PTPN22: variants seen among roughly 807,000 people sequenced by gnomAD.
The protein encoded by PTPN22 is protein tyrosine phosphatase non-receptor type 22, also known as tyrosine-protein phosphatase non-receptor type 22.
Under a neutral mutation model 103.3 loss-of-function variants are expected in PTPN22, and 85 were observed. That is an observed-to-expected ratio of 0.82 (90% CI 0.69 to 0.99). The LOEUF (loss-of-function observed/expected upper bound fraction) is 0.99. Ranked by LOEUF, PTPN22 falls within the 50% of genes least tolerant of loss-of-function variation. The pLI is 0.00. For missense variants in PTPN22, 865 were observed against 936.9 expected (o/e 0.92, Z 1.00); for synonymous variants, 323 against 310.2 (o/e 1.04, Z -0.43).
At chr1:113,871,139 A>G (rs1232407351) in intron 1 of PTPN22, among the ~76,000 whole-genome samples, 2 of 152,256 alleles carry the variant, frequency 1.3e-5, no homozygotes, top group African/African-American at 4.8e-5. Context: ...GAGGCTAAAA[A>G]TGTAATATTG....
chr1:113,837,716 A>C lies in PTPN22; in HGVS notation c.1684T>G (p.Phe562Val). Reference sequence around the variant, plus strand: ...GATGTTGGCAACAGAGAAGAAGGAAAAACAGTTCCATCTTGCTTCTCAGGT... The same window carrying C: ...GATGTTGGCAACAGAGAAGAAGGAACAACAGTTCCATCTTGCTTCTCAGGT... The change falls in exon 13 of 21, where the codon TTT (phenylalanine) becomes GTT (valine). Residue 562 changes from phenylalanine to valine, a missense_variant. Around this residue, in one of 3 missense-constraint regions of PTPN22, gnomAD observed 401 missense variants for 388.6 expected, o/e 1.03. Transcript: ENST00000359785. 2.5e-6 allele frequency: 4 copies of C among 1,610,046 alleles called. No individual in the cohort carries two copies. Among genetic ancestry groups the C allele is most frequent in the Middle Eastern group, 1.7e-4 (1 of 6,044 alleles).
exon 10 of PTPN22, chr1:113,852,064 T>C (rs1664614948): frequency 1.9e-6 from 3 of 1,611,912 alleles, no homozygotes; most frequent in Non-Finnish European, 2.5e-6. Context: ...TGTCCGCATT[T>C]CCCGGATCAA....
chr1:113,848,174 G>C (rs1664258597), intron 11 of PTPN22, among the ~76,000 whole-genome samples: 1 of 151,696 alleles, frequency 6.6e-6, no homozygotes, highest in Non-Finnish European at 1.5e-5. Flanking sequence ...TCAGCCTCTG[G>C]AGTAGCTGGG....
Position 113,859,484 on chromosome 1 carries a change from T to A in PTPN22, c.88-24A>T, listed in dbSNP as rs569537672. ...TTCTGTAATAAGATTCCAAGAAAAA[T>A]TAATCTTCCTAGAGAAATGAGGTAA... On this transcript the variant is annotated intron_variant, in intron 1 of 20. Coordinates refer to ENST00000359785, the Ensembl canonical transcript of PTPN22. 6 of 1,559,746 alleles carry A rather than the reference T, an allele frequency of 3.8e-6. No homozygotes were observed. In the East Asian group the frequency reaches 1.3e-4, roughly 35 times the overall value.
intron 19 of PTPN22, among the ~76,000 whole-genome samples, chr1:113,824,921 T>G (rs1285009173): frequency 6.8e-6 from 1 of 146,042 alleles, no homozygotes; most frequent in Non-Finnish European, 1.5e-5. Context: ...ACAGAAGACT[T>G]CTCATCGCCT....
chr1:113,849,590 ATTTAT>A lies in PTPN22; in HGVS notation c.829-969_829-965del, dbSNP rs1339463519. On this transcript the variant is annotated intron_variant, in intron 10 of 20. Transcript: ENST00000359785. The stretch of plus-strand genomic sequence containing the variant: ...TAGTATGCTCTTTATTTATTTATTT[ATTTAT>A]TTTTTTTTTTGAGACACGGTCTCAC... Among the ~76,000 whole-genome samples, 453 of 76,736 alleles carry A rather than the reference ATTTAT, an allele frequency of 5.9e-3. 3 individuals are homozygous for A. The highest frequency in any genetic ancestry group is 0.02 in the African/African-American group (434 of 21,180). 50.3% of individuals were successfully genotyped at this position (76,736 alleles called of 152,430 possible).
At chr1:113,823,249 A>G (rs1308878004) in intron 19 of PTPN22, 1 of 152,200 alleles carries the variant, frequency 6.6e-6, no homozygotes, top group Admixed American at 6.5e-5. Flanking sequence ...TATTCATTGA[A>G]TGAATGAATG....
intron 19 of PTPN22, chr1:113,823,593 C>T (rs1375622506): frequency 1.3e-5 from 2 of 152,236 alleles, no homozygotes; most frequent in Non-Finnish European, 2.9e-5. Flanking sequence ...TTCCACTATA[C>T]CTTCAAAGCT....
intron 1 of PTPN22, among the ~76,000 whole-genome samples, chr1:113,864,611 T>A: frequency 7.9e-6 from 1 of 126,124 alleles, no homozygotes. Context: ...TGAGGCCCTG[T>A]CTCAAAAAAA....
intron 20 of PTPN22, among the ~76,000 whole-genome samples, chr1:113,817,446 T>G (rs1038605330): frequency 6.6e-5 from 10 of 152,094 alleles, no homozygotes; most frequent in African/African-American, 1.7e-4. Context: ...ATTTTTGGGT[T>G]TTTTTTTCCA....
intron 10 of PTPN22, 40 bp from the exon 11 acceptor site, chr1:113,848,666 C>CA (rs1664304379): frequency 6.3e-6 from 10 of 1,574,838 alleles, no homozygotes; most frequent in Non-Finnish European, 8.6e-6. Flanking sequence ...AAAACAAAAA[C>CA]AAAAAAATTG....
At chr1:113,825,032 G>C (rs961163564) in intron 19 of PTPN22, 110 bp downstream of exon 19, 1 of 742,896 alleles carries the variant, frequency 1.3e-6, no homozygotes, top group African/African-American at 1.9e-5. Flanking sequence ...ACCCTATGGA[G>C]GCTCTGTTTA....
At chr1:113,871,584 C>T in exon 1 of PTPN22, 4 of 1,613,994 alleles carry the variant, frequency 2.5e-6, no homozygotes, top group Non-Finnish European at 2.5e-6. Context: ...TTGCTTTGGG[C>T]CTCATCCAGG....
chr1:113,864,375 G>GTGAAACTTTAT, intron 1 of PTPN22: 1 of 222,394 alleles, frequency 4.5e-6, no homozygotes, highest in Non-Finnish European at 9.1e-6. Context: ...GGGTGACAGA[G>GTGAAACTTTAT]CAAGACCCTG....
rs754849122 is a variant in PTPN22 at position 113,856,498 on chromosome 1, G to T, written c.480+50C>A. The T allele has an allele frequency of 8.1e-6, 13 of 1,613,922 alleles. No homozygotes were observed. In the South Asian group the frequency reaches 1.4e-4, roughly 18 times the overall value. ...GATTGCAAAGACAAGCTCTCTATAAGGTAGACCCTGGAGGCTTTACTCAGA... is the reference window on the plus strand; with the variant it reads ...GATTGCAAAGACAAGCTCTCTATAATGTAGACCCTGGAGGCTTTACTCAGA... On this transcript the variant is annotated intron_variant, in intron 6 of 20. Transcript: ENST00000359785.
chr1:113,831,718 A>G (rs1662568044), intron 16 of PTPN22, among the ~76,000 whole-genome samples: 1 of 152,222 alleles, frequency 6.6e-6, no homozygotes, highest in Non-Finnish European at 1.5e-5. Flanking sequence ...CCACTCAGCG[A>G]AACCTTTCCT....
exon 10 of PTPN22, chr1:113,852,048 C>T: frequency 1.9e-6 from 3 of 1,610,370 alleles, no homozygotes; most frequent in Non-Finnish European, 2.5e-6. Context: ...CTAATGAAGG[C>T]CTCTGTGTCC....
At position 113,857,729 on chromosome 1, in the gene PTPN22, G is replaced by A; in HGVS notation, c.408+9C>T. ...TTTTAAGGTCAGCAGGTACTAGAAA[G>A]TAACTTACCTTTCCCATTTCATACT... On this transcript the variant is annotated intron_variant, in intron 5 of 20. Coordinates refer to ENST00000359785, the Ensembl canonical transcript of PTPN22. The A allele has an allele frequency of 6.2e-7, 1 of 1,610,304 alleles. No homozygotes were observed. The highest frequency in any genetic ancestry group is 8.5e-7 in the Non-Finnish European group (1 of 1,177,436).
At chr1:113,869,176 A>G (rs1457466084) in intron 1 of PTPN22, among the ~76,000 whole-genome samples, 1 of 152,168 alleles carries the variant, frequency 6.6e-6, no homozygotes, top group Non-Finnish European at 1.5e-5. Flanking sequence ...AGATGGTGTC[A>G]TTGCATTCCA....
Sources: gnomAD v4.1 joint callset for allele counts (sites outside exome capture counted in the v4.1 genomes callset) on GRCh38, gnomAD v4.1.1 for gene constraint, gnomAD v4.1.1 regional missense constraint, MANE v1.5 for transcripts, NCBI Gene and HGNC (gene_info 2026-07-23, HGNC 2026-07-21) for gene names.